Variants in PCDH11X observed in about 807,000 individuals in gnomAD.
PCDH11X encodes the protein protocadherin 11 X-linked, also known as protocadherin-11 X-linked.
A neutral mutation model predicts 53.3 loss-of-function variants in PCDH11X; 18 were observed. That is an observed-to-expected ratio of 0.34 (90% CI 0.23 to 0.50). PCDH11X has a LOEUF of 0.50. Among genes scored for constraint, PCDH11X ranks in the 20% least tolerant of loss-of-function variants. The pLI is 0.98. For missense variants in PCDH11X, 570 were observed against 1,032.4 expected (o/e 0.55, Z 6.14); for synonymous variants, 279 against 393.3 (o/e 0.71, Z 3.44).
intron 8 of PCDH11X, among the ~76,000 whole-genome samples, chrX:92,272,125 T>C (rs2148428233): frequency 8.9e-6 from 1 of 111,932 alleles, no homozygotes; most frequent in Non-Finnish European, 1.9e-5. Context: ...CTTAGATGTC[T>C]GCTTTTTTTA....
At chrX:92,597,346 A>C (rs1816739492) in intron 10 of PCDH11X, among the ~76,000 whole-genome samples, 1 of 111,067 alleles carries the variant, frequency 9.0e-6, no homozygotes, top group Admixed American at 9.5e-5. Context: ...GATATGAAAT[A>C]AAAATACAAT....
intron 6 of PCDH11X, among the ~76,000 whole-genome samples, chrX:91,994,321 C>T (rs1370751154): frequency 4.6e-5 from 5 of 109,433 alleles, no homozygotes; most frequent in Non-Finnish European, 9.5e-5. Flanking sequence ...CCTCACCCTC[C>T]CAGCCCTTGG....
rs60978254 is a variant in PCDH11X at position 92,183,248 on chromosome X, CTTTTTTTTTTTT to C, written c.3034-18113_3034-18102del. On this transcript the variant is annotated intron_variant, in intron 6 of 10. Transcript: ENST00000682573. The stretch of plus-strand genomic sequence containing the variant: ...CTATTTGCATATCATCTAGAGAAAC[CTTTTTTTTTTTT>C]TTTTTTTTTTTTTGAGACAGAGTTT... Among the ~76,000 whole-genome samples the C allele has an allele frequency of 5.0e-4, 26 of 52,298 alleles. No homozygotes were observed. The East Asian group carries it at 0.011, about 23-fold the overall frequency. The allele number at this position is 52,298 out of a possible 115,157, so 45.4% of individuals were successfully genotyped here.
rs1939694423 is a variant in PCDH11X, at chrX:91,877,815, G to A, written c.1575G>A (p.Val525=). The A allele has an allele frequency of 8.3e-7, 1 of 1,209,704 alleles. No individual in the cohort carries two copies. The highest frequency in any genetic ancestry group is 1.8e-5 in the African/African-American group (1 of 57,051). ...LDCRTGMLTV[V]KKLDREKEDK... is the part of the protein sequence containing the mutation. ...GTCGTACAGGCATGCTGACTGTAGT[G>A]AAGAAACTAGATAGAGAAAAAGAGG... Residue 525 remains valine (V), a synonymous_variant, in exon 6 of 11, where the codon GTG becomes GTA. Transcript: ENST00000682573.
chrX:92,242,439 T>C (rs191744776), intron 7 of PCDH11X, among the ~76,000 whole-genome samples: 5 of 111,586 alleles, frequency 4.5e-5, no homozygotes, highest in Non-Finnish European at 9.4e-5. Context: ...ATTCAAGTTG[T>C]TGTGTGCATC....
intron 8 of PCDH11X, among the ~76,000 whole-genome samples, chrX:92,315,757 A>T (rs5942200): frequency 0.28 from 30,019 of 106,680 alleles, 3,436 homozygotes; most frequent in African/African-American, 0.38. Flanking sequence ...GCTGGTCCTG[A>T]ACTCTTGGGC....
At chrX:91,867,901 G>A (rs370110143) in intron 5 of PCDH11X, among the ~76,000 whole-genome samples, 1 of 111,457 alleles carries the variant, frequency 9.0e-6, no homozygotes, top group African/African-American at 3.3e-5. Flanking sequence ...TTTTTGATCT[G>A]TTTGAAATGT....
chrX:91,994,565 G>A (rs988885723), intron 6 of PCDH11X, among the ~76,000 whole-genome samples: 1 of 95,217 alleles, frequency 1.1e-5, no homozygotes, highest in Non-Finnish European at 2.1e-5. Flanking sequence ...CACTTAGGTT[G>A]CTTCCATATC....
intron 10 of PCDH11X, among the ~76,000 whole-genome samples, chrX:92,607,777 C>T (rs191342029): frequency 0.013 from 1,455 of 111,563 alleles, 29 homozygotes; most frequent in East Asian, 0.066. Flanking sequence ...GGATAAATTG[C>T]TTTTCTGATG....
At chrX:92,293,911 G>A (rs1407743731) in intron 8 of PCDH11X, among the ~76,000 whole-genome samples, 3 of 108,261 alleles carry the variant, frequency 2.8e-5, no homozygotes, top group Non-Finnish European at 5.7e-5. Flanking sequence ...CTGGGTCAGA[G>A]AAAAGACATT....
chrX:91,918,652 A>G (rs746318134), intron 6 of PCDH11X, among the ~76,000 whole-genome samples: 5 of 111,222 alleles, frequency 4.5e-5, no homozygotes, highest in Non-Finnish European at 7.6e-5. Context: ...TGCAAAAAAA[A>G]ATGTGTTTTT....
rs141396215 is a variant in PCDH11X at position 91,927,715 on chromosome X, T to A, written c.3033+48442T>A. 6.5e-3 allele frequency among the ~76,000 whole-genome samples: 730 copies of A among 111,510 alleles called. 5 individuals carry two copies. Among genetic ancestry groups the A allele is most frequent in the African/African-American group, 0.023 (705 of 30,795 alleles). On this transcript the variant is annotated intron_variant, in intron 6 of 10. Coordinates refer to ENST00000682573, the MANE Select transcript of PCDH11X (RefSeq NM_032968.5). ...TTATGTAACGCATCTTTGATATCTA[T>A]TGTAACTTTTCTGAGAAGTTCCCCC...
intron 4 of PCDH11X, among the ~76,000 whole-genome samples, chrX:91,817,481 G>A (rs1234524173): frequency 1.8e-5 from 2 of 108,834 alleles, no homozygotes; most frequent in African/African-American, 6.7e-5. Context: ...TCACTGTCCT[G>A]GGTGCAGGCA....
rs1388379904 is a variant in PCDH11X at position 92,450,121 on chromosome X, C to T, written c.3344-18178C>T. 7.2e-5 allele frequency among the ~76,000 whole-genome samples: 8 copies of T among 111,112 alleles called. No individual in the cohort carries two copies. In the South Asian group the frequency reaches 2.3e-3, roughly 31 times the overall value. ...CACACAAATATACACTCAAGAAATA[C>T]ACACCAAGAATACAACCTCAGATAT... On this transcript the variant is annotated intron_variant, in intron 9 of 10. Transcript: ENST00000682573.
chrX:91,969,260 T>C (rs957647432), intron 6 of PCDH11X, among the ~76,000 whole-genome samples: 1 of 110,571 alleles, frequency 9.0e-6, no homozygotes, highest in Non-Finnish European at 1.9e-5. Context: ...GGAGAATACT[T>C]TGCAAGCCCA....
At chrX:91,836,697 T>C (rs1309914702) in intron 5 of PCDH11X, among the ~76,000 whole-genome samples, 3 of 111,462 alleles carry the variant, frequency 2.7e-5, no homozygotes, top group Admixed American at 9.6e-5. Flanking sequence ...GTTCATTTGT[T>C]GTAAAGGGTA....
At chrX:92,548,469 C>A (rs2074897253) in intron 10 of PCDH11X, among the ~76,000 whole-genome samples, 1 of 111,886 alleles carries the variant, frequency 8.9e-6, no homozygotes, top group African/African-American at 3.3e-5. Context: ...TCGCACGCAG[C>A]CCCTAAAATT....
intron 10 of PCDH11X, among the ~76,000 whole-genome samples, chrX:92,510,224 A>C (rs1256372716): frequency 9.5e-5 from 10 of 104,854 alleles, no homozygotes; most frequent in Non-Finnish European, 2.0e-4. Context: ...TTACCAGGCT[A>C]TAACATCTTG....
chrX:92,434,072 A>G (rs992754160), intron 9 of PCDH11X, among the ~76,000 whole-genome samples: 11 of 111,344 alleles, frequency 9.9e-5, no homozygotes, highest in African/African-American at 3.6e-4. Flanking sequence ...ATCACAAAGC[A>G]TAAGCACAAG....
Sources: allele counts gnomAD v4.1 joint callset (sites outside exome capture counted in the v4.1 genomes callset), GRCh38; gene constraint gnomAD v4.1.1; transcripts MANE v1.5; gene names NCBI Gene and HGNC (gene_info 2026-07-23, HGNC 2026-07-21).